The following FLT3 variants were observed in gnomAD, a reference collection of about 807,000 sequenced individuals.
FLT3 encodes receptor-type tyrosine-protein kinase FLT3.
In FLT3, 46 loss-of-function variants were observed where a neutral mutation model predicts 126.6. The observed-to-expected ratio is 0.36, with a 90% CI of 0.29 to 0.46. FLT3 has a LOEUF of 0.46. Ranked by LOEUF, FLT3 falls within the 20% of genes least tolerant of loss-of-function variation. The pLI is 1.00. For synonymous variants in FLT3, 404 were observed against 434.4 expected (o/e 0.93, Z 0.87); for missense variants, 1,069 against 1,190.3 (o/e 0.90, Z 1.50).
intron 21 of FLT3, 143 bp from the exon 22 acceptor site, chr13:28,015,399 C>T (rs988528287): frequency 2.7e-5 from 20 of 737,926 alleles, no homozygotes; most frequent in East Asian, 1.6e-4. Context: ...AAAGAAGTCA[C>T]GGTTCACGCT....
At chr13:28,007,485 G>A (rs1450117797) in intron 23 of FLT3, among the ~76,000 whole-genome samples, 2 of 152,092 alleles carry the variant, frequency 1.3e-5, no homozygotes, top group Non-Finnish European at 2.9e-5. Context: ...GAGCCCAAGT[G>A]ATCCTCTCAC....
rs1879764124 is a variant in FLT3, at chr13:28,100,506, G to C, written c.5C>G (p.Pro2Arg). The C allele has an allele frequency of 5.8e-6, 7 of 1,216,098 alleles. No individual in the cohort carries two copies. The South Asian group carries it at 1.7e-4, about 29-fold the overall frequency. The allele number at this position is 1,216,098 out of a possible 1,614,324, so 75.3% of individuals were successfully genotyped here. Residue 2 changes from proline (P) to arginine (R), a missense_variant, in exon 1 of 24, where the codon CCG becomes CGG. Pro to Arg is a moderately radical substitution (Grantham distance 103, BLOSUM62 -2). Transcript: ENST00000241453. The surrounding 1 kb of genome is among the most constrained non-coding windows in gnomAD (Gnocchi z 4.8). ...CTGGCCGCCGTCGCGCGCCAACGCCGGCATGGCCTCCGGAGCCCGGGGTCC... is the reference window on the plus strand; with the variant it reads ...CTGGCCGCCGTCGCGCGCCAACGCCCGCATGGCCTCCGGAGCCCGGGGTCC... M[P>R]ALARDGGQLP...
chr13:28,084,441 C>T (rs1353849191), intron 1 of FLT3, among the ~76,000 whole-genome samples: 1 of 152,044 alleles, frequency 6.6e-6, no homozygotes, highest in Non-Finnish European at 1.5e-5. Flanking sequence ...GCAGCCTTAA[C>T]TTCCCTGGGC....
At chr13:28,064,442 A>G (rs367741050) in intron 2 of FLT3, among the ~76,000 whole-genome samples, 27 of 152,156 alleles carry the variant, frequency 1.8e-4, no homozygotes, top group East Asian at 3.9e-4. Context: ...GTGTGGTGGC[A>G]GGCACCTGTA....
chr13:28,046,703 C>T (rs1874916039), intron 9 of FLT3, among the ~76,000 whole-genome samples: 1 of 151,992 alleles, frequency 6.6e-6, no homozygotes, highest in African/African-American at 2.4e-5. Flanking sequence ...TCAATCAATC[C>T]TCCAACCTCA....
chr13:28,052,397 T>C, intron 5 of FLT3, 148 bp downstream of exon 5: 1 of 730,010 alleles, frequency 1.4e-6, no homozygotes. Context: ...CACCCGGCCC[T>C]ATACTGGCCA....
chr13:28,057,511 AAAAAC>A, intron 3 of FLT3, 49 bp from the exon 4 acceptor site: 1 of 919,874 alleles, frequency 1.1e-6, no homozygotes, highest in Non-Finnish European at 1.8e-6. Context: ...GTGTGAAACT[AAAAAC>A]AAAATTTCAT....
chr13:28,008,973 T>A (rs1327077278), intron 23 of FLT3, among the ~76,000 whole-genome samples: 1 of 152,166 alleles, frequency 6.6e-6, no homozygotes, highest in African/African-American at 2.4e-5. Context: ...TTTCAATTTT[T>A]ATTTATTTAT....
At chr13:28,091,092 C>T (rs1005170070) in intron 1 of FLT3, among the ~76,000 whole-genome samples, 1 of 151,100 alleles carries the variant, frequency 6.6e-6, no homozygotes, top group Non-Finnish European at 1.5e-5. Flanking sequence ...CATTTTCAAG[C>T]TCTCTTCTGT....
At position 28,053,397 on chromosome 13, in the gene FLT3, G is replaced by GATATATATAT. The variant is rs10522717; in HGVS notation, c.485-733_485-724dup. ...TGTTTGAAAATACTATGTACTGTTT[G>GATATATATAT]ATATATATATATATATATGAAAGAA... On this transcript the variant is annotated intron_variant, in intron 4 of 23. Transcript: ENST00000241453. Among the ~76,000 whole-genome samples, 9 of 134,882 alleles carry GATATATATAT rather than the reference G, an allele frequency of 6.7e-5. 1 individual carries two copies. The highest frequency in any genetic ancestry group is 1.9e-4 in the African/African-American group (6 of 32,086). The allele number at this position is 134,882 out of a possible 152,430, so 88.5% of individuals were successfully genotyped here.
At chr13:28,005,984 T>G (rs1340160426) in intron 23 of FLT3, among the ~76,000 whole-genome samples, 1 of 152,076 alleles carries the variant, frequency 6.6e-6, no homozygotes, top group African/African-American at 2.4e-5. Flanking sequence ...ACAGGCTGGG[T>G]GTACTGGCTC....
intron 4 of FLT3, among the ~76,000 whole-genome samples, chr13:28,055,295 G>A (rs974958094): frequency 4.6e-5 from 7 of 151,996 alleles, no homozygotes; most frequent in Admixed American, 2.6e-4. Context: ...CAATCTTATC[G>A]TCTCCTCAAA....
chr13:28,040,901 G>A (rs1218880633), intron 9 of FLT3, among the ~76,000 whole-genome samples: 2 of 150,052 alleles, frequency 1.3e-5, no homozygotes, highest in Non-Finnish European at 3.0e-5. Flanking sequence ...TTGGGAGGCC[G>A]AGGTAGGGGA....
In FLT3 at chr13:28,019,027, G is replaced by A. The variant is rs895784250; in HGVS notation, c.2419-438C>T. ...TTGTTCCCCAGGCTGGAGTGCAATG[G>A]CGTGATCTCGGCTCACTGCAACCTC... On this transcript the variant is annotated intron_variant, in intron 19 of 23. Transcript: ENST00000241453. Among the ~76,000 whole-genome samples the A allele has an allele frequency of 4.6e-5, 7 of 151,216 alleles. No individual in the cohort carries two copies. The East Asian group carries it at 7.8e-4, about 17-fold the overall frequency.
intron 1 of FLT3, among the ~76,000 whole-genome samples, chr13:28,082,217 C>T (rs1336860340): frequency 2.0e-5 from 3 of 152,094 alleles, no homozygotes; most frequent in African/African-American, 7.2e-5. Context: ...GAGGCATTAT[C>T]ATAGCTCACT....
chr13:28,061,643 G>A (rs569515248), intron 3 of FLT3, among the ~76,000 whole-genome samples: 2 of 151,842 alleles, frequency 1.3e-5, no homozygotes, highest in African/African-American at 4.8e-5. Flanking sequence ...GGTGGCACGC[G>A]CCTGTAGTCC....
rs779809032 is a variant in FLT3 at position 28,054,361 on chromosome 13, T to C, written c.485-1687A>G. The stretch of plus-strand genomic sequence containing the variant: ...ATAATTAATTGGGAGTCCATTAGGC[T>C]GAGACAACTCTAACAGCTTGAGTTC... On this transcript the variant is annotated intron_variant, in intron 4 of 23. Transcript: ENST00000241453. Among the ~76,000 whole-genome samples, 32 of 151,520 alleles carry C rather than the reference T, an allele frequency of 2.1e-4. No homozygotes were observed. The Middle Eastern group carries it at 0.01, about 49-fold the overall frequency.
chr13:28,084,123 T>C (rs965878559), intron 1 of FLT3, among the ~76,000 whole-genome samples: 2 of 151,904 alleles, frequency 1.3e-5, no homozygotes, highest in African/African-American at 4.8e-5. Flanking sequence ...TCCCAACTAG[T>C]GAGGACTACA....
chr13:28,096,582 G>A (rs1314508882), intron 1 of FLT3, among the ~76,000 whole-genome samples: 4 of 151,874 alleles, frequency 2.6e-5, no homozygotes, highest in East Asian at 1.9e-4. Context: ...GATTACAAGC[G>A]TCTGCCACCA....
Sources: gnomAD v4.1 joint callset for allele counts (sites outside exome capture counted in the v4.1 genomes callset) on GRCh38, gnomAD v4.1.1 for gene constraint, Gnocchi (gnomAD v3.1) non-coding constraint, MANE v1.5 for transcripts, NCBI Gene and HGNC (gene_info 2026-07-23, HGNC 2026-07-21) for gene names.